Variants in LRRK2 observed in about 807,000 individuals in gnomAD.
LRRK2 encodes leucine-rich repeat serine/threonine-protein kinase 2.
Under a neutral mutation model 302.6 loss-of-function variants are expected in LRRK2, and 203 were observed. That is an observed-to-expected ratio of 0.67 (90% CI 0.60 to 0.75). LRRK2 has a LOEUF of 0.75. Among genes scored for constraint, LRRK2 ranks in the 30% least tolerant of loss-of-function variants. The pLI, the probability that LRRK2 is intolerant of heterozygous loss-of-function variation, is 0.00. For synonymous variants in LRRK2, 1,066 were observed against 1,031.9 expected (o/e 1.03, Z -0.63); for missense variants, 2,830 against 2,951.0 (o/e 0.96, Z 0.95).
intron 41 of LRRK2, among the ~76,000 whole-genome samples, chr12:40,343,900 G>C (rs1194241396): frequency 6.6e-6 from 1 of 152,150 alleles, no homozygotes; most frequent in African/African-American, 2.4e-5. Flanking sequence ...GAAGCTTTTA[G>C]AAGGGTATTA....
At chr12:40,251,580 A>G (rs780642151) in intron 10 of LRRK2, 36 bp downstream of exon 10, 5 of 1,527,196 alleles carry the variant, frequency 3.3e-6, no homozygotes, top group Non-Finnish European at 4.5e-6. Flanking sequence ...AGAAAATTTC[A>G]GTTATATTTT....
chr12:40,339,513 T>C lies in LRRK2; in HGVS notation c.5949-781T>C, dbSNP rs189154272. On this transcript the variant is annotated intron_variant, in intron 40 of 50. Coordinates refer to ENST00000298910, the MANE Select transcript of LRRK2 (RefSeq NM_198578.4). ...ACTATCTTTTACTCTTTGCCTGAAA[T>C]GTCCAACTCTAGTTGCTCGTGATTG... Among the ~76,000 whole-genome samples the C allele has an allele frequency of 2.4e-4, 36 of 152,314 alleles. No homozygotes were observed. The East Asian group carries it at 6.6e-3, about 28-fold the overall frequency.
At chr12:40,301,030 T>C (rs1312827014) in intron 25 of LRRK2, 1 of 463,136 alleles carries the variant, frequency 2.2e-6, no homozygotes, top group African/African-American at 2.0e-5. Context: ...ATTGAGGAAA[T>C]TGAAGCCGTG....
intron 43 of LRRK2, among the ~76,000 whole-genome samples, chr12:40,349,200 C>A (rs1946282136): frequency 6.6e-6 from 1 of 151,988 alleles, no homozygotes; most frequent in Non-Finnish European, 1.5e-5. Flanking sequence ...CTGATGTGTC[C>A]ATTTTGTAAT....
rs551620387 is a variant in LRRK2, at chr12:40,366,459, C to T, written c.7391-547C>T. 16 of 153,654 alleles carry T rather than the reference C, an allele frequency of 1.0e-4. No homozygotes were observed. The South Asian group carries it at 1.4e-3, about 14-fold the overall frequency. 9.5% of individuals were successfully genotyped at this position (153,654 alleles called of 1,614,324 possible). ...CTTCACTAGAATATAAACTCCAAGA[C>T]GGTTGGGTTAGTGTGTTTTTGTTTA... On this transcript the variant is annotated intron_variant, in intron 49 of 50. Coordinates refer to ENST00000298910, the MANE Select transcript of LRRK2 (RefSeq NM_198578.4).
At chr12:40,330,021 C>T (rs549859992) in intron 39 of LRRK2, among the ~76,000 whole-genome samples, 2 of 152,348 alleles carry the variant, frequency 1.3e-5, no homozygotes, top group East Asian at 3.9e-4. Context: ...TCATTCAGCA[C>T]ATGACTTACT....
Position 40,263,884 on chromosome 12 carries a change from C to A in LRRK2, c.1639C>A (p.Leu547Ile). The change falls in exon 14 of 51, where the codon CTA becomes ATA. Residue 547 changes from leucine (L) to isoleucine (I), a missense_variant. This residue lies in a region of LRRK2 where 2,121 missense variants were observed against 2,148.0 expected (regional missense o/e 0.99). Coordinates refer to ENST00000298910, the MANE Select transcript of LRRK2 (RefSeq NM_198578.4). ...CFKNDIHKLV[L>I]AALNRFIGNP... ...CAAGAATGATATTCACAAACTGGTCCTAGCAGCTTTGAACAGGGTATGTTG... is the reference window on the plus strand; with the variant it reads ...CAAGAATGATATTCACAAACTGGTCATAGCAGCTTTGAACAGGGTATGTTG... The A allele has an allele frequency of 6.2e-7, 1 of 1,610,604 alleles. No individual in the cohort carries two copies. The highest frequency in any genetic ancestry group is 8.5e-7 in the Non-Finnish European group (1 of 1,177,200).
rs546646851 is a variant in LRRK2, at chr12:40,241,721, C to T, written c.706+1104C>T. ...GTGTGTTGTATACTATATGTAATTG[C>T]ATTTATGGTTTCAGATATGGAAATC... On this transcript the variant is annotated intron_variant, in intron 6 of 50. Coordinates refer to ENST00000298910, the MANE Select transcript of LRRK2 (RefSeq NM_198578.4). Among the ~76,000 whole-genome samples the T allele has an allele frequency of 2.6e-4, 39 of 152,236 alleles. 1 individual carries two copies. The highest frequency in any genetic ancestry group is 7.8e-4 in the Admixed American group (12 of 15,290).
intron 40 of LRRK2, among the ~76,000 whole-genome samples, chr12:40,338,921 C>G (rs1294988687): frequency 6.6e-6 from 1 of 152,134 alleles, no homozygotes; most frequent in Non-Finnish European, 1.5e-5. Flanking sequence ...TTCTTTCAAG[C>G]CCATTACTTA....
chr12:40,367,515 A>C, intron 50 of LRRK2, 129 bp from the exon 51 acceptor site: 1 of 730,888 alleles, frequency 1.4e-6, no homozygotes, highest in Non-Finnish European at 2.1e-6. Context: ...AATTTAGTAC[A>C]TTAGTTATAG....
chr12:40,254,708 C>A (rs1300735982), intron 11 of LRRK2, among the ~76,000 whole-genome samples: 1 of 152,148 alleles, frequency 6.6e-6, no homozygotes, highest in Non-Finnish European at 1.5e-5. Flanking sequence ...TCGACTGCTT[C>A]CTATTGTGGT....
At chr12:40,358,499 T>C (rs146922134) in intron 46 of LRRK2, among the ~76,000 whole-genome samples, 2 of 152,310 alleles carry the variant, frequency 1.3e-5, no homozygotes, top group East Asian at 1.9e-4. Context: ...CTTTCTCCCA[T>C]GTATGCTTTT....
intron 28 of LRRK2, 82 bp downstream of exon 28, chr12:40,306,048 T>C: frequency 9.3e-7 from 1 of 1,079,128 alleles, no homozygotes. Context: ...ACATATATTG[T>C]TACTATTTAG....
intron 28 of LRRK2, 60 bp downstream of exon 28, chr12:40,306,026 TGACTTTGATG>T (rs371856974): frequency 1.4e-5 from 18 of 1,267,622 alleles, no homozygotes; most frequent in Middle Eastern, 2.7e-4. Flanking sequence ...CTACTCTCTG[TGACTTTGATG>T]GACATATATT....
chr12:40,293,519 A>T, intron 20 of LRRK2, 26 bp from the exon 21 acceptor site: 3 of 1,406,414 alleles, frequency 2.1e-6, no homozygotes, highest in Non-Finnish European at 3.0e-6. Context: ...ATTCACCTTC[A>T]TGTTATTTTA....
chr12:40,353,080 G>A (rs11176161), intron 44 of LRRK2, among the ~76,000 whole-genome samples: 114,584 of 149,372 alleles, frequency 0.77, 44,782 homozygotes, highest in Non-Finnish European at 0.85. Flanking sequence ...CGGCGGCCGG[G>A]CGGGGGCTGC....
chr12:40,266,511 G>A (rs1015317648), intron 14 of LRRK2, among the ~76,000 whole-genome samples: 3 of 152,108 alleles, frequency 2.0e-5, no homozygotes, highest in African/African-American at 7.2e-5. Flanking sequence ...AACAGATGCT[G>A]GAGAGGATGT....
At chr12:40,275,665 G>A (rs1943422264) in intron 16 of LRRK2, among the ~76,000 whole-genome samples, 1 of 150,714 alleles carries the variant, frequency 6.6e-6, no homozygotes, top group Admixed American at 6.6e-5. Context: ...AGGCTGGAGT[G>A]TAGTGGCAGA....
At chr12:40,362,750 A>C (rs1170294173) in intron 47 of LRRK2, among the ~76,000 whole-genome samples, 2 of 152,036 alleles carry the variant, frequency 1.3e-5, no homozygotes, top group Non-Finnish European at 1.5e-5. Flanking sequence ...TGTTTGTGAA[A>C]TATGTACAAT....
Sources: gnomAD v4.1 joint callset for allele counts (sites outside exome capture counted in the v4.1 genomes callset) on GRCh38, gnomAD v4.1.1 for gene constraint, gnomAD v4.1.1 regional missense constraint, MANE v1.5 for transcripts, NCBI Gene and HGNC (gene_info 2026-07-23, HGNC 2026-07-21) for gene names.